TMBIM6: variants seen among roughly 807,000 people sequenced by gnomAD.
The protein encoded by TMBIM6 is transmembrane BAX inhibitor motif containing 6.
A neutral mutation model predicts 31.4 loss-of-function variants in TMBIM6; 13 were observed. That is an observed-to-expected ratio of 0.41 (90% confidence interval 0.27 to 0.66). The LOEUF (loss-of-function observed/expected upper bound fraction) is 0.66, where lower values mean the gene tolerates loss of function less well. TMBIM6 is among the 30% of genes least tolerant of loss of function. The pLI is 0.28. For synonymous variants in TMBIM6, 85 were observed against 101.7 expected, an observed-to-expected ratio of 0.84 and a Z score of 0.99; for missense variants, 275 against 289.5, an observed-to-expected ratio of 0.95 and a Z score of 0.36.
At chr12:49,754,827 T>C (rs1410760424) in intron 3 of TMBIM6, among the ~76,000 whole-genome samples, 2 of 152,228 alleles carry the variant, frequency 1.3e-5, no homozygotes, top group Non-Finnish European at 2.9e-5. Context: ...AGACTAGCAA[T>C]GAGAAGGAAG....
In TMBIM6 at chr12:49,762,898, G is replaced by A. The variant is rs757804497; in HGVS notation, c.*2G>A. ...GATAAGAAGAAAGAGAAGAAATGAA[G>A]TGACCATCCAGCCTTTCCCAATTAG... On this transcript the variant is annotated 3_prime_UTR_variant, in exon 10 of 10. Transcript: ENST00000267115. The A allele has an allele frequency of 1.2e-6, 2 of 1,612,760 alleles. No homozygotes were observed. Among genetic ancestry groups the A allele is most frequent in the South Asian group, 1.1e-5 (1 of 91,042 alleles).
chr12:49,742,323 G>T (rs1565914849), intron 1 of TMBIM6: 4 of 1,520,922 alleles, frequency 2.6e-6, no homozygotes, highest in South Asian at 2.6e-5. Flanking sequence ...TTTTGTGGGC[G>T]TCTTTCTAAG....
chr12:49,763,219 C>G lies in TMBIM6; in HGVS notation c.*323C>G. 3.8e-6 allele frequency: 1 copy of G among 261,630 alleles called. No individual in the cohort carries two copies. The highest frequency in any genetic ancestry group is 7.5e-5 in the South Asian group (1 of 13,324). 16.2% of individuals were successfully genotyped at this position (261,630 alleles called of 1,614,324 possible). Reference sequence around the variant, plus strand: ...GGCGCCAACTTCAGGAGTCCGCTTTCCCACCAGGCTTCATTCACCCAGTGG... The same window carrying G: ...GGCGCCAACTTCAGGAGTCCGCTTTGCCACCAGGCTTCATTCACCCAGTGG... On this transcript the variant is annotated 3_prime_UTR_variant, in exon 10 of 10. Transcript: ENST00000267115.
At chr12:49,758,924 G>A in intron 7 of TMBIM6, 162 bp downstream of exon 7, 1 of 699,770 alleles carries the variant, frequency 1.4e-6, no homozygotes, top group Non-Finnish European at 2.4e-6. Context: ...AGTGAAAACA[G>A]GCTGCACAAG....
rs368960879 is a variant in TMBIM6 at position 49,755,765 on chromosome 12, G to A, written c.286+10G>A. 1.1e-5 allele frequency: 17 copies of A among 1,611,944 alleles called. No homozygotes were observed. The highest frequency in any genetic ancestry group is 1.6e-4 in the Middle Eastern group (1 of 6,074). On this transcript the variant is annotated intron_variant, in intron 4 of 9. Coordinates refer to ENST00000267115, the MANE Select transcript of TMBIM6 (RefSeq NM_003217.3). ...TTTGCATTCCTTACAGGTACGTTAA[G>A]GGATTTGTCTAATTTTGAGGGGTGA...
rs1945787367 is a variant in TMBIM6 at position 49,764,736 on chromosome 12, A to AAC, written c.*1841_*1842insCA. 2 of 152,276 alleles carry AAC rather than the reference A, an allele frequency of 1.3e-5. No homozygotes were observed. Among genetic ancestry groups the AAC allele is most frequent in the African/African-American group, 4.8e-5 (2 of 41,376 alleles). The allele number at this position is 152,276 out of a possible 1,614,324, so 9.4% of individuals were successfully genotyped here. A position where few individuals can be genotyped will look rare whatever the true frequency, so the allele number is the denominator to read the frequency against. ...AAAAAAAAAAAAGAAAGAAAAAAAA[A>AAC]AAAACACCTACTTTTAAAGAAAATA... On this transcript the variant is annotated 3_prime_UTR_variant, in exon 10 of 10. Transcript: ENST00000267115.
intron 1 of TMBIM6, chr12:49,750,510 T>A (rs974367514): frequency 1.3e-5 from 2 of 152,200 alleles, no homozygotes; most frequent in African/African-American, 4.8e-5. Context: ...GTAAGTGTGC[T>A]CTCTAGAGGA....
chr12:49,751,386 T>C (rs1351429704), intron 1 of TMBIM6, among the ~76,000 whole-genome samples: 3 of 152,142 alleles, frequency 2.0e-5, no homozygotes, highest in African/African-American at 4.8e-5. Flanking sequence ...TGTCTATATA[T>C]TGCTATATAG....
intron 9 of TMBIM6, among the ~76,000 whole-genome samples, chr12:49,762,652 GA>G (rs1945741755): frequency 6.6e-6 from 1 of 152,156 alleles, no homozygotes; most frequent in Non-Finnish European, 1.5e-5. Flanking sequence ...TGGGGGTGGG[GA>G]CAGCTGCTTA....
rs917382791 is a variant in TMBIM6, at chr12:49,764,710, T to TAA, written c.*1825_*1826dup. 0.044 allele frequency: 4,517 copies of TAA among 101,598 alleles called. 329 individuals are homozygous for TAA. The highest frequency in any genetic ancestry group is 0.17 in the African/African-American group (4,075 of 24,678). 6.3% of individuals were successfully genotyped at this position (101,598 alleles called of 1,614,324 possible). On this transcript the variant is annotated 3_prime_UTR_variant, in exon 10 of 10. Transcript: ENST00000267115. ...AACAGTGCCAAGAATGACAAGATAT[T>TAA]AAAAAAAAAAAAGAAAGAAAAAAAA...
At position 49,758,729 on chromosome 12, in the gene TMBIM6, G is replaced by C; in HGVS notation, c.480G>C (p.Gly160=). Residue 160 remains glycine (G), a synonymous_variant, in exon 7 of 10, where the codon GGG becomes GGC. Transcript: ENST00000267115. ...GCTTGTTGCTTTTGTCTTCCCTGGG[G>C]AATGTTTTCTTTGGATCCATTTGGC... ...ALSLLLLSSL[G]NVFFGSIWLF... 6.2e-7 allele frequency: 1 copy of C among 1,613,876 alleles called. No homozygotes were observed. Among genetic ancestry groups the C allele is most frequent in the Non-Finnish European group, 8.5e-7 (1 of 1,180,010 alleles).
intron 9 of TMBIM6, chr12:49,762,163 A>G (rs1945732149): frequency 1.5e-5 from 3 of 206,150 alleles, no homozygotes; most frequent in South Asian, 7.9e-5. Flanking sequence ...AGCATTCTAT[A>G]TAGGGCTAAT....
chr12:49,758,002 A>G (rs2093603075), intron 4 of TMBIM6, among the ~76,000 whole-genome samples: 1 of 151,992 alleles, frequency 6.6e-6, no homozygotes, highest in African/African-American at 2.4e-5. Context: ...CATGATTTTC[A>G]GCTAAGAGGA....
At chr12:49,742,318 T>C (rs764690921) in intron 1 of TMBIM6, 1 of 1,533,430 alleles carries the variant, frequency 6.5e-7, no homozygotes, top group African/African-American at 1.4e-5. Context: ...TGAGGTTTTG[T>C]GGGCGTCTTT....
chr12:49,743,840 T>G (rs1298296806), intron 1 of TMBIM6, among the ~76,000 whole-genome samples: 3 of 152,172 alleles, frequency 2.0e-5, no homozygotes, highest in Non-Finnish European at 2.9e-5. Context: ...TGGTTCTGGC[T>G]CTGCTATTTA....
At position 49,763,672 on chromosome 12, in the gene TMBIM6, G is replaced by A. The variant is rs1945762583; in HGVS notation, c.*776G>A. ...CGTAGGGTTCCCCTAAACTTGCCCT[G>A]TTTTTGTTTTTTTAGTTTGTTATCC... On this transcript the variant is annotated 3_prime_UTR_variant, in exon 10 of 10. Coordinates refer to ENST00000267115, the MANE Select transcript of TMBIM6 (RefSeq NM_003217.3). 1.3e-5 allele frequency: 2 copies of A among 152,184 alleles called. No individual in the cohort carries two copies. Among genetic ancestry groups the A allele is most frequent in the South Asian group, 2.1e-4 (1 of 4,836 alleles). The allele number at this position is 152,184 out of a possible 1,614,324, so 9.4% of individuals were successfully genotyped here.
In TMBIM6 at chr12:49,741,618, C is replaced by G. The variant is rs184317866; in HGVS notation, c.-31+7C>G. On this transcript the variant is annotated splice_region_variant and intron_variant, in intron 1 of 9. Transcript: ENST00000267115. ...GGAGAGGCGGGTTAGGAAGGTACGT[C>G]TGAACCTAGTACTGGGCGAACTGGG... 1 of 161,688 alleles carries G rather than the reference C, an allele frequency of 6.2e-6. No individual in the cohort carries two copies. Among genetic ancestry groups the G allele is most frequent in the African/African-American group, 2.4e-5 (1 of 41,478 alleles). 10.0% of individuals were successfully genotyped at this position (161,688 alleles called of 1,614,324 possible).
intron 2 of TMBIM6, 49 bp downstream of exon 2, chr12:49,752,598 C>T (rs1945515963): frequency 1.4e-6 from 2 of 1,423,728 alleles, no homozygotes; most frequent in Admixed American, 3.5e-5. Context: ...CTTTTCATAT[C>T]TCTTTGTCCC....
Position 49,759,254 on chromosome 12 carries a change from G to A in TMBIM6, c.547G>A (p.Gly183Ser), listed in dbSNP as rs1304454080. The A allele has an allele frequency of 6.8e-6, 11 of 1,613,922 alleles. No homozygotes were observed. Among genetic ancestry groups the A allele is most frequent in the African/African-American group, 1.3e-5 (1 of 74,840 alleles). ...NLYVGLVVMC[G>S]FVLFDTQLII... ...GTATGTGGGACTGGTGGTCATGTGT[G>A]GCTTCGTCCTTTTTGATACTCAACT... is the stretch of plus-strand genomic sequence containing the variant. The change falls in exon 8 of 10, where the codon GGC becomes AGC. Residue 183 changes from glycine (G) to serine (S), a missense_variant. Coordinates refer to ENST00000267115, the MANE Select transcript of TMBIM6 (RefSeq NM_003217.3).
Sources: gnomAD v4.1 joint callset for allele counts (sites outside exome capture counted in the v4.1 genomes callset) on GRCh38, gnomAD v4.1.1 for gene constraint, MANE v1.5 for transcripts, NCBI Gene and HGNC (gene_info 2026-07-23, HGNC 2026-07-21) for gene names.